Variants in PCDHAC1 observed in about 807,000 individuals in gnomAD.
PCDHAC1 encodes the protein protocadherin alpha subfamily C, 1.
PCDHAC1 carries 42 observed loss-of-function variants against 60.0 expected under a neutral mutation model. The observed-to-expected ratio is 0.70, with a 90% confidence interval of 0.55 to 0.90. The LOEUF (loss-of-function observed/expected upper bound fraction) is 0.90, where lower values mean the gene tolerates loss of function less well. PCDHAC1 is among the 40% of genes least tolerant of loss of function. The pLI, the probability that PCDHAC1 is intolerant of heterozygous loss-of-function variation, is 0.00. For missense variants in PCDHAC1, 1,160 were observed against 1,222.3 expected, an observed-to-expected ratio of 0.95 and a Z score of 0.76; for synonymous variants, 468 against 499.3, an observed-to-expected ratio of 0.94 and a Z score of 0.84.
intron 1 of PCDHAC1, among the ~76,000 whole-genome samples, chr5:140,941,319 CT>C (rs70988781): frequency 0.38 from 39,984 of 104,186 alleles, 7,512 homozygotes; most frequent in East Asian, 0.57. Flanking sequence ...TCTTCTTTCT[CT>C]TTTTTTTTTT....
chr5:140,939,811 A>G (rs1554212933), intron 1 of PCDHAC1, among the ~76,000 whole-genome samples: 1 of 152,224 alleles, frequency 6.6e-6, no homozygotes, highest in African/African-American at 2.4e-5. Context: ...CATGTTCAAG[A>G]AAAAGCAGTA....
At chr5:140,967,066 C>A (rs782715200) in intron 1 of PCDHAC1, 2 of 1,612,908 alleles carry the variant, frequency 1.2e-6, no homozygotes, top group Non-Finnish European at 1.7e-6. Context: ...GAGCGCTCTT[C>A]GTCAACGAGC....
At chr5:140,942,422 G>C (rs1445298712) in intron 1 of PCDHAC1, among the ~76,000 whole-genome samples, 3 of 150,866 alleles carry the variant, frequency 2.0e-5, no homozygotes, top group Non-Finnish European at 4.4e-5. Context: ...AAAAAAAAAA[G>C]ATATCTAACA....
intron 2 of PCDHAC1, 165 bp downstream of exon 2, chr5:140,979,172 G>A (rs1406119348): frequency 2.1e-6 from 2 of 959,890 alleles, no homozygotes; most frequent in Admixed American, 1.2e-4. Context: ...TTGAAAGATC[G>A]CAAATGGTCA....
intron 1 of PCDHAC1, among the ~76,000 whole-genome samples, chr5:140,952,097 G>A (rs1385693579): frequency 1.3e-5 from 2 of 152,066 alleles, no homozygotes; most frequent in East Asian, 3.9e-4. Context: ...CACATCCAGG[G>A]CACACTCGTG....
At chr5:140,967,315 G>A (rs1554229427) in intron 1 of PCDHAC1, 1 of 1,610,854 alleles carries the variant, frequency 6.2e-7, no homozygotes, top group African/African-American at 1.3e-5. Context: ...ACTCAGTACA[G>A]ACCTACGAGC....
chr5:140,976,190 C>T (rs1402016343), intron 1 of PCDHAC1, among the ~76,000 whole-genome samples: 17 of 152,040 alleles, frequency 1.1e-4, no homozygotes, highest in African/African-American at 4.1e-4. Context: ...AATCAATATC[C>T]TGGAAACTCA....
chr5:140,966,726 C>T, intron 1 of PCDHAC1: 3 of 1,402,206 alleles, frequency 2.1e-6, no homozygotes, highest in Non-Finnish European at 1.8e-6. Flanking sequence ...GAAGCTGCCG[C>T]CTCCGGCCCT....
rs1431209513 is a variant in PCDHAC1, at chr5:140,926,753, G to C, written c.-140G>C. On this transcript the variant is annotated 5_prime_UTR_variant, in exon 1 of 4. Transcript: ENST00000253807. ...TTCGGGAGGCGCAACGTCGGCGGTC[G>C]CTGAGTATCCAGCCCGCAGCAGTGA... 44 of 1,268,526 alleles carry C rather than the reference G, an allele frequency of 3.5e-5. No individual in the cohort carries two copies. Among genetic ancestry groups the C allele is most frequent in the Non-Finnish European group, 4.4e-5 (43 of 983,752 alleles). 78.6% of individuals were successfully genotyped at this position (1,268,526 alleles called of 1,614,324 possible).
chr5:140,947,229 GA>G lies in PCDHAC1; in HGVS notation c.2433+17913del, dbSNP rs201242412. On this transcript the variant is annotated intron_variant, in intron 1 of 3. Transcript: ENST00000253807. ...AAGAAAATCCTGTCATTTATGACAGGAAAAAAAAATAAGATAATCCAATGTA... is the reference window on the plus strand; with the variant it reads ...AAGAAAATCCTGTCATTTATGACAGGAAAAAAAATAAGATAATCCAATGTA... 1.0e-3 allele frequency among the ~76,000 whole-genome samples: 154 copies of G among 148,902 alleles called. 1 individual carries two copies. The highest frequency in any genetic ancestry group is 8.9e-3 in the Admixed American group (133 of 14,994).
intron 1 of PCDHAC1, among the ~76,000 whole-genome samples, chr5:140,956,551 C>G (rs995941205): frequency 1.3e-5 from 2 of 152,148 alleles, no homozygotes; most frequent in Non-Finnish European, 2.9e-5. Flanking sequence ...ATTTGGTTTG[C>G]CAGTATCTTA....
intron 1 of PCDHAC1, among the ~76,000 whole-genome samples, chr5:140,978,421 T>C (rs969808613): frequency 2.0e-5 from 3 of 152,236 alleles, no homozygotes; most frequent in Non-Finnish European, 4.4e-5. Flanking sequence ...AAAGAGACTG[T>C]TATCAGTTGC....
intron 1 of PCDHAC1, among the ~76,000 whole-genome samples, chr5:140,956,666 G>T (rs1232573740): frequency 6.6e-6 from 1 of 152,088 alleles, no homozygotes; most frequent in African/African-American, 2.4e-5. Flanking sequence ...GGCCTTAAAG[G>T]AGTTAGGGAG....
Position 140,967,464 on chromosome 5 carries a change from G to A in PCDHAC1, c.2434-11485G>A, listed in dbSNP as rs781900904. The A allele has an allele frequency of 1.9e-6, 3 of 1,613,386 alleles. No individual in the cohort carries two copies. In the East Asian group the frequency reaches 6.7e-5, roughly 36 times the overall value. ...CTGGTTCTCACAGCCGTGGATGGGG[G>A]CATCCCAGCCCGCTCGGGTACGGCA... On this transcript the variant is annotated intron_variant, in intron 1 of 3. Coordinates refer to ENST00000253807, the MANE Select transcript of PCDHAC1 (RefSeq NM_018898.5).
intron 1 of PCDHAC1, chr5:140,967,704 G>A: frequency 6.2e-7 from 1 of 1,614,196 alleles, no homozygotes; most frequent in Non-Finnish European, 8.5e-7. Context: ...ATAGATGCCA[G>A]TACCGGGGAA....
chr5:140,927,015 G>A lies in PCDHAC1; in HGVS notation c.123G>A (p.Ala41=). ...ERGVAVGNLS[A]DLRLPAAAMS... ...GCGTAGCCGTAGGCAATCTCTCCGCGGACTTGAGGCTGCCAGCGGCCGCTA... is the reference window on the plus strand; with the variant it reads ...GCGTAGCCGTAGGCAATCTCTCCGCAGACTTGAGGCTGCCAGCGGCCGCTA... The change falls in exon 1 of 4, where the codon GCG becomes GCA. Residue 41 remains alanine, a synonymous_variant. Transcript: ENST00000253807. The A allele has an allele frequency of 6.2e-7, 1 of 1,612,466 alleles. No individual in the cohort carries two copies.
chr5:140,927,183 C>G lies in PCDHAC1; in HGVS notation c.291C>G (p.Tyr97Ter), dbSNP rs1554204140. The G allele has an allele frequency of 1.2e-6, 2 of 1,614,042 alleles. No individual in the cohort carries two copies. Among genetic ancestry groups the G allele is most frequent in the African/African-American group, 2.7e-5 (2 of 74,930 alleles). ...CCAAAGCTGCCTGCGTCTTGACCTACGACCTGGTGCTCGAGGACCCGCTGG... is the reference window on the plus strand; with the variant it reads ...CCAAAGCTGCCTGCGTCTTGACCTAGGACCTGGTGCTCGAGGACCCGCTGG... ...CRAKAACVLT[Y>*]DLVLEDPLEL... Residue 97 changes from tyrosine to a stop codon, truncating the protein, a stop_gained, in exon 1 of 4, where the codon TAC (tyrosine) becomes TAG (stop). Coordinates refer to ENST00000253807, the MANE Select transcript of PCDHAC1 (RefSeq NM_018898.5). LOFTEE classifies it high-confidence loss of function.
At chr5:140,966,264 G>C (rs959228779) in intron 1 of PCDHAC1, 3 of 347,414 alleles carry the variant, frequency 8.6e-6, no homozygotes, top group Non-Finnish European at 1.5e-5. Flanking sequence ...GTGGAGACTG[G>C]ATGAACTGGA....
At chr5:140,978,910 T>C in intron 1 of PCDHAC1, 39 bp from the exon 2 acceptor site, 1 of 1,613,896 alleles carries the variant, frequency 6.2e-7, no homozygotes, top group Non-Finnish European at 8.5e-7. Context: ...GAACATTGTC[T>C]TGTCATTTTA....
Sources: allele counts gnomAD v4.1 joint callset (sites outside exome capture counted in the v4.1 genomes callset), GRCh38; gene constraint gnomAD v4.1.1; transcripts MANE v1.5; gene names NCBI Gene and HGNC (gene_info 2026-07-23, HGNC 2026-07-21).